GRID2: variants seen among roughly 807,000 people sequenced by gnomAD.
GRID2 encodes glutamate ionotropic receptor delta type subunit 2.
GRID2 carries 33 observed loss-of-function variants against 114.8 expected under a neutral mutation model. The observed-to-expected ratio is 0.29, with a 90% CI of 0.22 to 0.38. GRID2 has a LOEUF of 0.38. Ranked by LOEUF, GRID2 falls within the 10% of genes least tolerant of loss-of-function variation. The probability of loss-of-function intolerance (pLI) is 1.00; values close to 1 mark genes in which losing one functional copy is unlikely to be tolerated. For synonymous variants in GRID2, 505 were observed against 449.9 expected (o/e 1.12, Z -1.55); for missense variants, 1,184 against 1,257.7 (o/e 0.94, Z 0.89).
At position 92,706,221 on chromosome 4, in the gene GRID2, G is replaced by T. The variant is rs907642588; in HGVS notation, c.244+115935G>T. On this transcript the variant is annotated intron_variant, in intron 2 of 15. Coordinates refer to ENST00000282020, the MANE Select transcript of GRID2 (RefSeq NM_001510.4). ...AGCTACGTATGCACTTGAAGATGTG[G>T]AAAGATGTTACAGTTCAAGATGAGA... is the stretch of plus-strand genomic sequence containing the variant. Among the ~76,000 whole-genome samples the T allele has an allele frequency of 1.1e-4, 17 of 152,136 alleles. 1 individual carries two copies. Among genetic ancestry groups the T allele is most frequent in the African/African-American group, 4.1e-4 (17 of 41,426 alleles).
intron 9 of GRID2, among the ~76,000 whole-genome samples, chr4:93,399,274 A>C (rs1478206705): frequency 2.0e-5 from 3 of 152,102 alleles, no homozygotes; most frequent in Admixed American, 2.0e-4. Flanking sequence ...CTCTTTTCTT[A>C]AGAAATTTTA....
intron 1 of GRID2, among the ~76,000 whole-genome samples, chr4:92,556,416 A>G (rs371906219): frequency 3.9e-5 from 6 of 152,102 alleles, no homozygotes; most frequent in Non-Finnish European, 7.4e-5. Flanking sequence ...AAATTTTTTT[A>G]TTTGAGATGA....
At chr4:93,120,511 C>T (rs939242594) in intron 4 of GRID2, among the ~76,000 whole-genome samples, 10 of 151,966 alleles carry the variant, frequency 6.6e-5, no homozygotes, top group African/African-American at 2.4e-4. Context: ...AACCAAATAC[C>T]CCATGTTCTC....
At chr4:92,702,168 C>T (rs181477920) in intron 2 of GRID2, among the ~76,000 whole-genome samples, 16 of 152,168 alleles carry the variant, frequency 1.1e-4, no homozygotes, top group Admixed American at 3.9e-4. Flanking sequence ...TATGAAAGGA[C>T]GAGAGAAACA....
At chr4:93,213,429 T>C (rs1164059338) in intron 5 of GRID2, among the ~76,000 whole-genome samples, 1 of 152,180 alleles carries the variant, frequency 6.6e-6, no homozygotes, top group African/African-American at 2.4e-5. Context: ...TTTAAAGTAT[T>C]CTGGTGTCTA....
intron 2 of GRID2, among the ~76,000 whole-genome samples, chr4:92,921,860 A>G (rs1749370566): frequency 6.6e-6 from 1 of 152,088 alleles, no homozygotes; most frequent in East Asian, 1.9e-4. Flanking sequence ...GAGAACCGCT[A>G]CTCTCTTCAA....
At chr4:93,712,647 A>G (rs1204529532) in intron 14 of GRID2, among the ~76,000 whole-genome samples, 1 of 152,198 alleles carries the variant, frequency 6.6e-6, no homozygotes, top group Non-Finnish European at 1.5e-5. Context: ...CTGACGTGGT[A>G]CGTAATTCAG....
At chr4:92,343,876 A>G (rs1226443158) in intron 1 of GRID2, among the ~76,000 whole-genome samples, 1 of 152,240 alleles carries the variant, frequency 6.6e-6, no homozygotes, top group African/African-American at 2.4e-5. Flanking sequence ...TCCCAGCTAT[A>G]TATGTATTAT....
In GRID2 at chr4:92,935,324, A is replaced by T. The variant is rs1425335753; in HGVS notation, c.245-149671A>T. On this transcript the variant is annotated intron_variant, in intron 2 of 15. Transcript: ENST00000282020. ...GGCCATCAGAGAAATGCAAATCAAA[A>T]CCACAATGAGATACCATCTCACACC... Among the ~76,000 whole-genome samples, 4 of 147,234 alleles carry T rather than the reference A, an allele frequency of 2.7e-5. 1 individual carries two copies. Among genetic ancestry groups the T allele is most frequent in the African/African-American group, 4.9e-5 (2 of 41,188 alleles).
intron 13 of GRID2, among the ~76,000 whole-genome samples, chr4:93,616,066 C>A (rs1164220915): frequency 6.6e-6 from 1 of 152,104 alleles, no homozygotes; most frequent in African/African-American, 2.4e-5. Flanking sequence ...TCTAAAGGAG[C>A]TAGTTATCTC....
At chr4:93,138,282 T>C (rs1167736852) in intron 4 of GRID2, among the ~76,000 whole-genome samples, 2 of 152,128 alleles carry the variant, frequency 1.3e-5, no homozygotes, top group Non-Finnish European at 2.9e-5. Context: ...GCTGAATTTT[T>C]TTCTTAATTT....
intron 2 of GRID2, among the ~76,000 whole-genome samples, chr4:93,007,440 T>C (rs967648172): frequency 1.3e-5 from 2 of 152,106 alleles, no homozygotes; most frequent in African/African-American, 4.8e-5. Context: ...ACAGCAATAG[T>C]CAAAATAAAG....
At chr4:93,359,842 T>G in intron 8 of GRID2, among the ~76,000 whole-genome samples, 1 of 95,676 alleles carries the variant, frequency 1.0e-5, no homozygotes, top group African/African-American at 4.1e-5. Flanking sequence ...CAGTAGGCAT[T>G]ACAAAAGGGC....
chr4:92,668,616 A>G (rs1732899235), intron 2 of GRID2, among the ~76,000 whole-genome samples: 1 of 151,928 alleles, frequency 6.6e-6, no homozygotes, highest in East Asian at 1.9e-4. Context: ...TTCTATCACA[A>G]AACAGTTTAT....
chr4:92,337,311 CTTA>C, intron 1 of GRID2, among the ~76,000 whole-genome samples: 1 of 152,160 alleles, frequency 6.6e-6, no homozygotes, highest in Non-Finnish European at 1.5e-5. Context: ...TTTTTGTCTA[CTTA>C]TTATAAATAA....
intron 2 of GRID2, among the ~76,000 whole-genome samples, chr4:92,759,752 C>T (rs770540488): frequency 4.0e-5 from 6 of 151,450 alleles, no homozygotes; most frequent in Admixed American, 1.3e-4. Flanking sequence ...TACAGACATG[C>T]GCCACCATGC....
intron 2 of GRID2, among the ~76,000 whole-genome samples, chr4:92,933,884 G>T (rs1259391482): frequency 3.3e-5 from 5 of 151,430 alleles, no homozygotes; most frequent in Non-Finnish European, 5.9e-5. Flanking sequence ...GATTCACTTT[G>T]TTTGTAAAAG....
chr4:93,439,838 G>T (rs1721458472), intron 10 of GRID2, among the ~76,000 whole-genome samples: 2 of 152,046 alleles, frequency 1.3e-5, no homozygotes, highest in South Asian at 4.1e-4. Context: ...GCCAGGGGCA[G>T]TTGGGAAGGA....
At chr4:92,687,828 C>CA (rs1475876150) in intron 2 of GRID2, among the ~76,000 whole-genome samples, 2 of 151,602 alleles carry the variant, frequency 1.3e-5, no homozygotes, top group African/African-American at 4.8e-5. Flanking sequence ...GACTCCCTCT[C>CA]AAAAAAATAA....
Sources: gnomAD v4.1 joint callset for allele counts (sites outside exome capture counted in the v4.1 genomes callset) on GRCh38, gnomAD v4.1.1 for gene constraint, MANE v1.5 for transcripts, NCBI Gene and HGNC (gene_info 2026-07-23, HGNC 2026-07-21) for gene names.